Variants in IL1RAPL2 observed in about 807,000 individuals in gnomAD.
The protein encoded by IL1RAPL2 is X-linked interleukin-1 receptor accessory protein-like 2.
IL1RAPL2 carries 3 observed loss-of-function variants against 44.1 expected under a neutral mutation model. The observed-to-expected ratio is 0.07, with a 90% CI of 0.03 to 0.18. The LOEUF is 0.18. IL1RAPL2 is among the 10% of genes least tolerant of loss of function. The pLI, the probability that IL1RAPL2 is intolerant of heterozygous loss-of-function variation, is 1.00. For synonymous variants in IL1RAPL2, 181 were observed against 178.8 expected (o/e 1.01, Z -0.10); for missense variants, 391 against 496.4 (o/e 0.79, Z 2.02).
intron 1 of IL1RAPL2, among the ~76,000 whole-genome samples, chrX:104,632,235 C>G (rs1244729595): frequency 1.8e-5 from 2 of 111,471 alleles, no homozygotes; most frequent in Admixed American, 9.5e-5. Flanking sequence ...TGCTGTTTTG[C>G]TTACCATAGC....
At chrX:105,127,131 G>A (rs1376289651) in intron 2 of IL1RAPL2, among the ~76,000 whole-genome samples, 5 of 111,294 alleles carry the variant, frequency 4.5e-5, no homozygotes, top group Non-Finnish European at 9.5e-5. Context: ...AAAAGAGCAA[G>A]CAAGGAAAGG....
chrX:105,319,292 CG>C (rs1263951103), intron 5 of IL1RAPL2, among the ~76,000 whole-genome samples: 1 of 111,664 alleles, frequency 9.0e-6, no homozygotes, highest in Non-Finnish European at 1.9e-5. Flanking sequence ...CCACGAAGCC[CG>C]TAGCTTGTCG....
At chrX:105,132,732 A>G (rs1473997098) in intron 2 of IL1RAPL2, among the ~76,000 whole-genome samples, 2 of 111,583 alleles carry the variant, frequency 1.8e-5, no homozygotes, top group Admixed American at 9.5e-5. Context: ...ATCTGAGTCT[A>G]TTTACCAGAA....
At chrX:105,301,374 A>G (rs1252749283) in intron 5 of IL1RAPL2, among the ~76,000 whole-genome samples, 1 of 111,713 alleles carries the variant, frequency 9.0e-6, no homozygotes, top group Admixed American at 9.5e-5. Context: ...TTGGGTATCC[A>G]TCCCTTCAAG....
At chrX:105,435,474 G>C (rs1256712439) in intron 5 of IL1RAPL2, among the ~76,000 whole-genome samples, 2 of 111,803 alleles carry the variant, frequency 1.8e-5, no homozygotes, top group Non-Finnish European at 3.8e-5. Context: ...CATTGTGGCA[G>C]ATGGTGTGGT....
chrX:104,735,931 C>A (rs981123811), intron 2 of IL1RAPL2, among the ~76,000 whole-genome samples: 2 of 111,348 alleles, frequency 1.8e-5, no homozygotes, highest in African/African-American at 6.5e-5. Context: ...GCATCTAAAA[C>A]CCTCCATATT....
chrX:104,907,548 A>T (rs1256105575), intron 2 of IL1RAPL2, among the ~76,000 whole-genome samples: 3 of 111,285 alleles, frequency 2.7e-5, no homozygotes, highest in Non-Finnish European at 5.7e-5. Flanking sequence ...TTCTGCCTTC[A>T]TTTCGTTATG....
chrX:104,638,948 AATGG>A (rs1929879764), intron 1 of IL1RAPL2, among the ~76,000 whole-genome samples: 1 of 112,052 alleles, frequency 8.9e-6, no homozygotes, highest in Non-Finnish European at 1.9e-5. Context: ...TAATGCTGAG[AATGG>A]GATGTTGAAG....
intron 1 of IL1RAPL2, among the ~76,000 whole-genome samples, chrX:104,649,058 TTC>T (rs1930101783): frequency 9.0e-6 from 1 of 111,397 alleles, no homozygotes; most frequent in Admixed American, 9.6e-5. Flanking sequence ...TTCTAATTTT[TTC>T]TCTCTCTGCT....
chrX:104,839,076 T>A (rs1921830870), intron 2 of IL1RAPL2, among the ~76,000 whole-genome samples: 1 of 109,012 alleles, frequency 9.2e-6, no homozygotes, highest in South Asian at 4.1e-4. Flanking sequence ...CTCGAACTCC[T>A]GATCTCAGGT....
At chrX:104,761,905 CCTTCTCCTTCTCCTTCTCCTTCTT>C (rs1932450558) in intron 2 of IL1RAPL2, among the ~76,000 whole-genome samples, 42 of 48,532 alleles carry the variant, frequency 8.7e-4, no homozygotes, top group Middle Eastern at 0.017. Context: ...TTCTCCTTCT[CCTTCTCCTTCTCCTTCTCCTTCTT>C]CTTCTTCTTC....
chrX:104,717,975 G>T (rs1237496150), intron 2 of IL1RAPL2, among the ~76,000 whole-genome samples: 4 of 111,145 alleles, frequency 3.6e-5, no homozygotes, highest in African/African-American at 1.3e-4. Context: ...TGGTGTATAT[G>T]TGCCACATTT....
At position 104,772,965 on chromosome X, in the gene IL1RAPL2, A is replaced by G. The variant is rs187867142; in HGVS notation, c.82+113970A>G. Reference sequence around the variant, plus strand: ...TGCTCTGTTGCCCAGGCTGGAGTTCAGTGGCACACACACAGCTCACTGCAG... The same window carrying G: ...TGCTCTGTTGCCCAGGCTGGAGTTCGGTGGCACACACACAGCTCACTGCAG... On this transcript the variant is annotated intron_variant, in intron 2 of 10. Coordinates refer to ENST00000372582, the MANE Select transcript of IL1RAPL2 (RefSeq NM_017416.2). Among the ~76,000 whole-genome samples, 370 of 111,200 alleles carry G rather than the reference A, an allele frequency of 3.3e-3. 2 individuals carry two copies. Among genetic ancestry groups the G allele is most frequent in the Non-Finnish European group, 4.9e-3 (258 of 53,032 alleles).
intron 2 of IL1RAPL2, among the ~76,000 whole-genome samples, chrX:104,812,176 T>C (rs971115144): frequency 1.8e-5 from 2 of 111,254 alleles, no homozygotes; most frequent in Admixed American, 9.6e-5. Flanking sequence ...TTACTAAATA[T>C]ACTATCAGTA....
chrX:105,552,808 T>C (rs1446421402), intron 6 of IL1RAPL2, among the ~76,000 whole-genome samples: 1 of 112,033 alleles, frequency 8.9e-6, no homozygotes, highest in Non-Finnish European at 1.9e-5. Context: ...ATACTTAATA[T>C]CAACATATTA....
chrX:105,671,905 T>C (rs1042637668), intron 6 of IL1RAPL2, among the ~76,000 whole-genome samples: 6 of 111,428 alleles, frequency 5.4e-5, no homozygotes, highest in Admixed American at 4.8e-4. Context: ...AGTTCGATGG[T>C]TTATTTCATC....
At chrX:104,905,086 C>T (rs1923946249) in intron 2 of IL1RAPL2, among the ~76,000 whole-genome samples, 1 of 111,396 alleles carries the variant, frequency 9.0e-6, no homozygotes, top group Non-Finnish European at 1.9e-5. Flanking sequence ...TGTTTTTTGG[C>T]TGCATAAATG....
intron 5 of IL1RAPL2, among the ~76,000 whole-genome samples, chrX:105,270,616 T>C (rs1313658798): frequency 1.8e-5 from 2 of 112,211 alleles, no homozygotes; most frequent in East Asian, 5.6e-4. Context: ...GTTCAAATGT[T>C]ATGCTTGATG....
chrX:104,854,086 A>C (rs1443961831), intron 2 of IL1RAPL2, among the ~76,000 whole-genome samples: 4 of 111,551 alleles, frequency 3.6e-5, no homozygotes, highest in Non-Finnish European at 7.5e-5. Context: ...TGGGCAAAAC[A>C]AAGAAGTTGT....
Sources: gnomAD v4.1 joint callset for allele counts (sites outside exome capture counted in the v4.1 genomes callset) on GRCh38, gnomAD v4.1.1 for gene constraint, MANE v1.5 for transcripts, NCBI Gene and HGNC (gene_info 2026-07-23, HGNC 2026-07-21) for gene names.